WDR62: variants seen among roughly 807,000 people sequenced by gnomAD.
The protein encoded by WDR62 is WD repeat domain 62, also known as WD repeat-containing protein 62.
A neutral mutation model predicts 160.6 loss-of-function variants in WDR62; 112 were observed. The observed-to-expected ratio is 0.70, with a 90% CI of 0.60 to 0.82. WDR62 has a LOEUF of 0.82. WDR62 is among the 40% of genes least tolerant of loss of function. The pLI, the probability that WDR62 is intolerant of heterozygous loss-of-function variation, is 0.00. For synonymous variants in WDR62, 792 were observed against 815.1 expected (o/e 0.97, Z 0.48); for missense variants, 1,819 against 1,983.8 (o/e 0.92, Z 1.58).
rs1159047078 is a variant in WDR62 at position 36,073,423 on chromosome 19, C to G, written c.1125C>G (p.Ser375=). The change falls in exon 9 of 32, where the codon TCC becomes TCG. Residue 375 remains serine, a synonymous_variant. Transcript: ENST00000401500. The part of the protein sequence containing the change: ...LTFDPIHQWL[S]CVYKDHSIYI... ...TCGACCCCATCCACCAGTGGCTGTC[C>G]TGCGTGTATAAGGACCACAGCATCT... 3.1e-6 allele frequency: 5 copies of G among 1,614,142 alleles called. No homozygotes were observed. The highest frequency in any genetic ancestry group is 4.2e-6 in the Non-Finnish European group (5 of 1,180,028).
intron 11 of WDR62, 100 bp from the exon 12 acceptor site, chr19:36,084,553 T>C: frequency 9.3e-7 from 1 of 1,080,724 alleles, no homozygotes; most frequent in Non-Finnish European, 1.4e-6. Context: ...TGATAAGGGG[T>C]TCTCATTGTT....
chr19:36,106,799 T>G (rs1387160462), downstream of WDR62, among the ~76,000 whole-genome samples: 1 of 152,194 alleles, frequency 6.6e-6, no homozygotes, highest in Non-Finnish European at 1.5e-5. Flanking sequence ...AACAGTTTTT[T>G]GTTTTTGGGT....
chr19:36,081,834 G>C lies in WDR62; in HGVS notation c.1371+264G>C, dbSNP rs180977435. 5.6e-4 allele frequency: 340 copies of C among 602,286 alleles called. 2 individuals are homozygous for C. In the African/African-American group the frequency reaches 5.9e-3, roughly 10 times the overall value. The allele number at this position is 602,286 out of a possible 1,614,324, so 37.3% of individuals were successfully genotyped here. A position where few individuals can be genotyped will look rare whatever the true frequency, so the allele number is the denominator to read the frequency against. ...CAGATGTGTGGACGTGGCCACTCCCGGCAGCCCAACACACCCAGCCCAGGT... is the reference window on the plus strand; with the variant it reads ...CAGATGTGTGGACGTGGCCACTCCCCGCAGCCCAACACACCCAGCCCAGGT... On this transcript the variant is annotated intron_variant, in intron 10 of 31. Transcript: ENST00000401500.
chr19:36,090,066 C>T lies in WDR62; in HGVS notation c.1959-379C>T, dbSNP rs918474760. 2.6e-5 allele frequency among the ~76,000 whole-genome samples: 4 copies of T among 152,292 alleles called. 1 individual carries two copies. The highest frequency in any genetic ancestry group is 5.9e-5 in the Non-Finnish European group (4 of 68,022). ...AGGGGCCCTGTGGAGACACCTGACC[C>T]CACCTGCGGATCAAGCAGGACTTCC... On this transcript the variant is annotated intron_variant, in intron 15 of 31. Transcript: ENST00000401500.
At chr19:36,076,342 G>A (rs765499065) in intron 9 of WDR62, among the ~76,000 whole-genome samples, 14 of 151,722 alleles carry the variant, frequency 9.2e-5, no homozygotes, top group African/African-American at 2.2e-4. Context: ...GGAATTACCC[G>A]AGCCCACGAG....
At chr19:36,106,616 C>T (rs1395498073), downstream of WDR62, among the ~76,000 whole-genome samples, 2 of 152,148 alleles carry the variant, frequency 1.3e-5, no homozygotes, top group Non-Finnish European at 2.9e-5. Flanking sequence ...ACATCCAGGC[C>T]GACAGCACAG....
Position 36,103,056 on chromosome 19 carries a change from C to A in WDR62, c.3444C>A (p.Ala1148=). 1 of 1,614,108 alleles carries A rather than the reference C, an allele frequency of 6.2e-7. No individual in the cohort carries two copies. The highest frequency in any genetic ancestry group is 2.2e-5 in the East Asian group (1 of 44,886). Residue 1148 remains alanine, a synonymous_variant, in exon 28 of 32, where the codon GCC becomes GCA. Transcript: ENST00000401500. ...AGCCCAGAGCAGGTACTGGCTACGCCTCCCCAGACAGGACCCACGTGAGTA... is the reference window on the plus strand; with the variant it reads ...AGCCCAGAGCAGGTACTGGCTACGCATCCCCAGACAGGACCCACGTGAGTA... ...GSQPRAGTGY[A]SPDRTHVLAA...
At chr19:36,056,717 A>G (rs8103569) in intron 1 of WDR62, among the ~76,000 whole-genome samples, 43,276 of 152,146 alleles carry the variant, frequency 0.28, 6,429 homozygotes, top group Non-Finnish European at 0.33. Context: ...CTAAGAGCAC[A>G]GACTGCTGCT....
chr19:36,079,758 G>GC (rs1971782882), intron 9 of WDR62, among the ~76,000 whole-genome samples: 1 of 152,162 alleles, frequency 6.6e-6, no homozygotes, highest in Non-Finnish European at 1.5e-5. Flanking sequence ...TCTCCCACAT[G>GC]CATGCTGATG....
In WDR62 at chr19:36,058,880, A is replaced by G; in HGVS notation, c.269+9A>G. The stretch of plus-strand genomic sequence containing the variant: ...GTGGCCTACCTGGCAGGGTAAGCAG[A>G]TAAGGGCCTCGACGTCTAATCATTG... On this transcript the variant is annotated intron_variant, in intron 2 of 31. Coordinates refer to ENST00000401500, the MANE Select transcript of WDR62 (RefSeq NM_001083961.2). The G allele has an allele frequency of 1.2e-6, 2 of 1,611,080 alleles. No individual in the cohort carries two copies. The highest frequency in any genetic ancestry group is 1.1e-5 in the South Asian group (1 of 90,972).
chr19:36,104,188 C>A (rs544225699), intron 30 of WDR62, among the ~76,000 whole-genome samples: 84 of 152,358 alleles, frequency 5.5e-4, no homozygotes, highest in African/African-American at 2.0e-3. Flanking sequence ...ACACAGAGAA[C>A]TGACAGCTTC....
At chr19:36,090,606 C>A in intron 16 of WDR62, 86 bp downstream of exon 16, 2 of 1,290,676 alleles carry the variant, frequency 1.5e-6, no homozygotes, top group South Asian at 1.2e-5. Flanking sequence ...TGCCCTTGGT[C>A]CTTCCTCAGT....
Position 36,103,854 on chromosome 19 carries a change from T to C in WDR62, c.4026T>C (p.Ser1342=). The change falls in exon 30 of 32, where the codon TCT becomes TCC. Residue 1342 remains serine, a synonymous_variant. Coordinates refer to ENST00000401500, the MANE Select transcript of WDR62 (RefSeq NM_001083961.2). The stretch of plus-strand genomic sequence containing the variant: ...AGAGCGCCCTGAGGCTCCACGGCTC[T>C]GCCTTTCGCCCAAGTCTCCCAGCTC... ...VEESALRLHG[S]AFRPSLPAPE... The C allele has an allele frequency of 6.2e-7, 1 of 1,603,752 alleles. No individual in the cohort carries two copies. Among genetic ancestry groups the C allele is most frequent in the Non-Finnish European group, 8.5e-7 (1 of 1,179,832 alleles).
In WDR62 at chr19:36,103,489, A is replaced by G; in HGVS notation, c.3661A>G (p.Thr1221Ala). 1 of 1,614,000 alleles carries G rather than the reference A, an allele frequency of 6.2e-7. No homozygotes were observed. Among genetic ancestry groups the G allele is most frequent in the Non-Finnish European group, 8.5e-7 (1 of 1,179,984 alleles). ...APSTCSYMEA[T>A]ASSRARISRS... ...CTCCACCTGTTCCTACATGGAGGCCACTGCCAGCTCCCGTGCCAGGATATC... is the reference window on the plus strand; with the variant it reads ...CTCCACCTGTTCCTACATGGAGGCCGCTGCCAGCTCCCGTGCCAGGATATC... The change falls in exon 30 of 32, where the codon ACT becomes GCT. Residue 1221 changes from threonine (T) to alanine (A), a missense_variant. Thr to Ala is a moderately conservative substitution (Grantham distance 58, BLOSUM62 0). Around this residue, in one of 3 missense-constraint regions of WDR62, gnomAD observed 770 missense variants for 734.2 expected, o/e 1.05. Transcript: ENST00000401500.
At chr19:36,104,106 C>T in intron 30 of WDR62, 125 bp downstream of exon 30, 1 of 1,252,504 alleles carries the variant, frequency 8.0e-7, no homozygotes, top group East Asian at 2.5e-5. Flanking sequence ...CGTGCATTAA[C>T]TTAAATATTT....
chr19:36,107,878 G>A (rs1257398738), downstream of WDR62, among the ~76,000 whole-genome samples: 2 of 152,112 alleles, frequency 1.3e-5, no homozygotes, highest in Admixed American at 1.3e-4. Flanking sequence ...CAGCATGTGT[G>A]CATGTGGTTT....
intron 9 of WDR62, among the ~76,000 whole-genome samples, 182 bp from the exon 10 acceptor site, chr19:36,081,251 G>C (rs947143877): frequency 1.3e-5 from 2 of 152,132 alleles, no homozygotes; most frequent in African/African-American, 4.8e-5. Context: ...GCTGAAGGTG[G>C]GACATGGATG....
intron 13 of WDR62, 134 bp downstream of exon 13, chr19:36,086,946 G>A: frequency 4.5e-6 from 6 of 1,336,170 alleles, no homozygotes; most frequent in Non-Finnish European, 6.1e-6. Context: ...ACAGAATAAT[G>A]ACTGGGGCCG....
Position 36,084,795 on chromosome 19 carries a change from CT to C in WDR62, c.1642+52del, listed in dbSNP as rs748905837. Reference sequence around the variant, plus strand: ...GGGGTCAGGCAGGGAGGCAGCCCCCCTGGCAGGGCCACAGAAAGGGGTAGTT... The same window carrying C: ...GGGGTCAGGCAGGGAGGCAGCCCCCCGGCAGGGCCACAGAAAGGGGTAGTT... On this transcript the variant is annotated intron_variant, in intron 12 of 31. Transcript: ENST00000401500. 8 of 1,549,060 alleles carry C rather than the reference CT, an allele frequency of 5.2e-6. No homozygotes were observed. The East Asian group carries it at 1.6e-4, about 30-fold the overall frequency.
Sources: gnomAD v4.1 joint callset for allele counts (sites outside exome capture counted in the v4.1 genomes callset) on GRCh38, gnomAD v4.1.1 for gene constraint, gnomAD v4.1.1 regional missense constraint, MANE v1.5 for transcripts, NCBI Gene and HGNC (gene_info 2026-07-23, HGNC 2026-07-21) for gene names.